Variants in LATS1 observed in about 807,000 individuals in gnomAD.
The protein encoded by LATS1 is large tumor suppressor kinase 1, also known as serine/threonine-protein kinase LATS1.
Under a neutral mutation model 106.6 loss-of-function variants are expected in LATS1, and 25 were observed. The ratio of observed to expected loss-of-function variants is 0.23; its 90% CI spans 0.17 to 0.33. The LOEUF (loss-of-function observed/expected upper bound fraction) is 0.33, where lower values mean the gene tolerates loss of function less well. LATS1 is among the 10% of genes least tolerant of loss of function. The pLI is 1.00. For missense variants in LATS1, 1,040 were observed against 1,382.6 expected (o/e 0.75, Z 3.93); for synonymous variants, 465 against 455.6 (o/e 1.02, Z -0.26).
intron 2 of LATS1, among the ~76,000 whole-genome samples, chr6:149,698,004 T>C (rs1458034517): frequency 6.6e-6 from 1 of 152,196 alleles, no homozygotes; most frequent in Non-Finnish European, 1.5e-5. Context: ...CCTCCTGAAG[T>C]GCTGGCATTA....
intron 3 of LATS1, among the ~76,000 whole-genome samples, chr6:149,686,367 C>T (rs1352582760): frequency 2.0e-5 from 3 of 152,204 alleles, no homozygotes; most frequent in Admixed American, 2.0e-4. Context: ...CCAGCTGAGG[C>T]CAAATACACC....
intron 2 of LATS1, among the ~76,000 whole-genome samples, chr6:149,698,862 G>C (rs1436757034): frequency 6.6e-6 from 1 of 152,084 alleles, no homozygotes; most frequent in East Asian, 1.9e-4. Flanking sequence ...TGCCTAGCCA[G>C]AAGTCTTATG....
At position 149,661,467 on chromosome 6, in the gene LATS1, A is replaced by C. The variant is rs1327640057; in HGVS notation, c.*262T>G. 1.5e-5 allele frequency: 5 copies of C among 338,446 alleles called. No individual in the cohort carries two copies. Among genetic ancestry groups the C allele is most frequent in the Non-Finnish European group, 1.6e-5 (3 of 188,372 alleles). The allele number at this position is 338,446 out of a possible 1,614,324, so 21.0% of individuals were successfully genotyped here. ...AAACAAAGCACTACTTATTTTAAGT[A>C]CTTTAAGTACCAAGAACTGACTATA... On this transcript the variant is annotated 3_prime_UTR_variant, in exon 8 of 8. Transcript: ENST00000543571.
intron 1 of LATS1, among the ~76,000 whole-genome samples, chr6:149,702,548 A>C (rs1783523873): frequency 1.3e-5 from 2 of 152,312 alleles, no homozygotes; most frequent in East Asian, 1.9e-4. Context: ...GGGATTATTA[A>C]GTGAACAATA....
chr6:149,683,958 A>T lies in LATS1; in HGVS notation c.1131T>A (p.Pro377=), dbSNP rs768491372. The part of the protein sequence containing the change: ...TVNRQPPPPY[P]LTAANGQSPS... Reference sequence around the variant, plus strand: ...GGCTTTGTCCATTAGCTGCTGTCAGAGGATATGGAGGTGGTGGCTGCCGAT... The same window carrying T: ...GGCTTTGTCCATTAGCTGCTGTCAGTGGATATGGAGGTGGTGGCTGCCGAT... The change falls in exon 4 of 8, where the codon CCT becomes CCA. Residue 377 remains proline (P), a synonymous_variant. Transcript: ENST00000543571. 6.2e-7 allele frequency: 1 copy of T among 1,614,086 alleles called. No homozygotes were observed. The highest frequency in any genetic ancestry group is 1.3e-5 in the African/African-American group (1 of 74,926).
chr6:149,664,466 C>T (rs1781041213), intron 7 of LATS1, among the ~76,000 whole-genome samples: 1 of 152,144 alleles, frequency 6.6e-6, no homozygotes, highest in African/African-American at 2.4e-5. Context: ...GAAAACTACA[C>T]ATAGGCACAC....
Position 149,680,377 on chromosome 6 carries a change from C to CTA in LATS1, c.2090_2091insTA (p.Arg697SerfsTer11). ...CAAACATAGACTTGTCCATTTTAGC[C>CTA]CTTTTAAGACGGATGTAATTAGATT... On this transcript the variant is annotated frameshift_variant, in exon 5 of 8. Transcript: ENST00000543571. LOFTEE classifies it high-confidence loss of function. The CTA allele has an allele frequency of 6.2e-7, 1 of 1,613,868 alleles. No homozygotes were observed. The highest frequency in any genetic ancestry group is 8.5e-7 in the Non-Finnish European group (1 of 1,179,928).
intron 1 of LATS1, among the ~76,000 whole-genome samples, chr6:149,704,600 G>C (rs1471833637): frequency 1.3e-5 from 2 of 150,652 alleles, no homozygotes; most frequent in Non-Finnish European, 2.9e-5. Context: ...TCCTGCCTAA[G>C]CCTCCCAAGT....
chr6:149,669,370 T>A lies in LATS1; in HGVS notation c.2883+6890A>T, dbSNP rs192039794. Among the ~76,000 whole-genome samples, 966 of 151,790 alleles carry A rather than the reference T, an allele frequency of 6.4e-3. 7 individuals carry two copies. Among genetic ancestry groups the A allele is most frequent in the Non-Finnish European group, 0.011 (744 of 67,942 alleles). ...GGATGGTCTCGATCTCCTGACCTCA[T>A]GATCTACCTGCCTTGGCCTCCCAAA... On this transcript the variant is annotated intron_variant, in intron 7 of 7. Transcript: ENST00000543571.
In LATS1 at chr6:149,709,668, C is replaced by CTTTTTT. The variant is rs142425039; in HGVS notation, c.-140-7408_-140-7403dup. Among the ~76,000 whole-genome samples, 4 of 75,504 alleles carry CTTTTTT rather than the reference C, an allele frequency of 5.3e-5. 1 individual carries two copies. The highest frequency in any genetic ancestry group is 7.5e-5 in the Non-Finnish European group (3 of 40,132). The allele number at this position is 75,504 out of a possible 152,430, so 49.5% of individuals were successfully genotyped here. ...AACCCTGGTCTCCACAACCCCTTAT[C>CTTTTTT]TTTTTTTTTTTTTTTTTTTTTTTTT... On this transcript the variant is annotated intron_variant, in intron 1 of 7. Coordinates refer to ENST00000543571, the MANE Select transcript of LATS1 (RefSeq NM_004690.4).
chr6:149,708,320 C>T (rs984874382), intron 1 of LATS1, among the ~76,000 whole-genome samples: 3 of 150,708 alleles, frequency 2.0e-5, no homozygotes, highest in African/African-American at 7.3e-5. Flanking sequence ...AAGGCTGAGG[C>T]AGGAGAATCG....
chr6:149,696,456 T>C (rs1783071730), intron 2 of LATS1, among the ~76,000 whole-genome samples: 1 of 146,556 alleles, frequency 6.8e-6, no homozygotes, highest in Non-Finnish European at 1.5e-5. Flanking sequence ...TAATCCCAGC[T>C]GTTTGGGAGG....
At chr6:149,700,959 C>T (rs563781745) in intron 2 of LATS1, among the ~76,000 whole-genome samples, 1 of 152,066 alleles carries the variant, frequency 6.6e-6, no homozygotes, top group Non-Finnish European at 1.5e-5. Context: ...AATTTGATAT[C>T]TTTAGTAGAG....
At chr6:149,704,887 TACACACACACACAC>T (rs57029776) in intron 1 of LATS1, among the ~76,000 whole-genome samples, 24 of 139,876 alleles carry the variant, frequency 1.7e-4, no homozygotes, top group African/African-American at 3.2e-4. Flanking sequence ...AAATTAATTA[TACACACACACACAC>T]ACACACACAC....
At chr6:149,678,187 A>AAAAAAAAAAAAAAC in intron 5 of LATS1, among the ~76,000 whole-genome samples, 1 of 147,734 alleles carries the variant, frequency 6.8e-6, no homozygotes, top group Non-Finnish European at 1.5e-5. Context: ...AAAAAAAAAA[A>AAAAAAAAAAAAAAC]AAAAAAAATA....
intron 2 of LATS1, among the ~76,000 whole-genome samples, chr6:149,695,550 G>T (rs1783011291): frequency 6.6e-6 from 1 of 152,152 alleles, no homozygotes; most frequent in Non-Finnish European, 1.5e-5. Flanking sequence ...GCTGGCGCAC[G>T]CTTGTAATTC....
intron 2 of LATS1, among the ~76,000 whole-genome samples, chr6:149,698,433 A>T (rs1783233432): frequency 6.6e-6 from 1 of 152,056 alleles, no homozygotes; most frequent in Non-Finnish European, 1.5e-5. Flanking sequence ...TTTTGTAGAG[A>T]CAGGGTCTCA....
intron 7 of LATS1, among the ~76,000 whole-genome samples, chr6:149,674,221 C>T (rs142849321): frequency 0.01 from 1,529 of 151,110 alleles, 25 homozygotes; most frequent in African/African-American, 0.018. Context: ...ATTACAGGGG[C>T]GCGCCACCAC....
chr6:149,680,112 G>A lies in LATS1; in HGVS notation c.2356C>T (p.Pro786Ser). The A allele has an allele frequency of 6.2e-7, 1 of 1,613,352 alleles. No homozygotes were observed. The highest frequency in any genetic ancestry group is 8.5e-7 in the Non-Finnish European group (1 of 1,179,510). ...AATAGGCTCATCATATCACCCCCAG[G>A]AATGTAGTCCATTACAAAGTATAAA... ...DNLYFVMDYI[P>S]GGDMMSLLIR... The change falls in exon 5 of 8, where the codon CCT becomes TCT. Residue 786 changes from proline to serine, a missense_variant. Around this residue, in one of 7 missense-constraint regions of LATS1, gnomAD observed 167 missense variants for 332.1 expected, o/e 0.50. Coordinates refer to ENST00000543571, the MANE Select transcript of LATS1 (RefSeq NM_004690.4).
Sources: gnomAD v4.1 joint callset for allele counts (sites outside exome capture counted in the v4.1 genomes callset) on GRCh38, gnomAD v4.1.1 for gene constraint, gnomAD v4.1.1 regional missense constraint, MANE v1.5 for transcripts, NCBI Gene and HGNC (gene_info 2026-07-23, HGNC 2026-07-21) for gene names.